The following PRCC variants were observed in gnomAD, a reference collection of about 807,000 sequenced individuals.
PRCC encodes proline rich mitotic checkpoint control factor, also known as proline-rich protein PRCC.
In PRCC, 10 loss-of-function variants were observed where a neutral mutation model predicts 44.0. The observed-to-expected ratio is 0.23, with a 90% CI of 0.14 to 0.39. PRCC has a LOEUF of 0.39. Ranked by LOEUF, PRCC falls within the 10% of genes least tolerant of loss-of-function variation. The pLI is 1.00. For missense variants in PRCC, 573 were observed against 624.7 expected (o/e 0.92, Z 0.88); for synonymous variants, 278 against 259.5 (o/e 1.07, Z -0.69).
At chr1:156,787,396 A>T (rs1652292553) in intron 3 of PRCC, among the ~76,000 whole-genome samples, 1 of 145,542 alleles carries the variant, frequency 6.9e-6, no homozygotes, top group Admixed American at 6.9e-5. Context: ...CTTTATTCTG[A>T]AAACAATCTA....
intron 3 of PRCC, among the ~76,000 whole-genome samples, chr1:156,788,271 CTA>C (rs1279018060): frequency 2.0e-5 from 3 of 152,194 alleles, no homozygotes; most frequent in African/African-American, 7.2e-5. Flanking sequence ...TTTTCTGTTT[CTA>C]TGTTAATTTG....
chr1:156,768,952 A>C (rs1651522110), intron 1 of PRCC, among the ~76,000 whole-genome samples: 1 of 152,142 alleles, frequency 6.6e-6, no homozygotes, highest in African/African-American at 2.4e-5. Context: ...TCATTTAGCT[A>C]TGGTCAAAGC....
Position 156,767,751 on chromosome 1 carries a change from G to T in PRCC, c.-21G>T, listed in dbSNP as rs369886073. ...GTAGGCCTCATCTGCCGGCAAGGGC[G>T]CCCGAAACGCGGGAGGCGCCATGTC... is the stretch of plus-strand genomic sequence containing the variant. On this transcript the variant is annotated 5_prime_UTR_variant, in exon 1 of 7. Coordinates refer to ENST00000271526, the MANE Select transcript of PRCC (RefSeq NM_005973.5). The T allele has an allele frequency of 1.2e-4, 195 of 1,569,824 alleles. No homozygotes were observed. Among genetic ancestry groups the T allele is most frequent in the Non-Finnish European group, 1.6e-4 (181 of 1,158,902 alleles).
intron 2 of PRCC, among the ~76,000 whole-genome samples, chr1:156,783,340 T>C (rs1175415570): frequency 6.6e-6 from 1 of 152,246 alleles, no homozygotes; most frequent in African/African-American, 2.4e-5. Flanking sequence ...TCAGTACCAT[T>C]ATCCTGGCCC....
chr1:156,783,967 G>T (rs75853057), intron 2 of PRCC, among the ~76,000 whole-genome samples: 15,013 of 150,290 alleles, frequency 0.1, 965 homozygotes, highest in African/African-American at 0.18. Context: ...TTTTGGGGGG[G>T]ACGGAGTCTC....
At chr1:156,794,059 G>A (rs148120981) in intron 4 of PRCC, among the ~76,000 whole-genome samples, 5,002 of 149,338 alleles carry the variant, frequency 0.033, 276 homozygotes, top group African/African-American at 0.12. Flanking sequence ...CTGGTTTCAA[G>A]CGATTCTCCT....
Position 156,767,637 on chromosome 1 carries a change from G to C in PRCC, c.-135G>C. ...TAGCCATGAGTTTCTGCCGGGGCTA[G>C]CCCTAGAGTACGGAGCAGGCGGACT... On this transcript the variant is annotated 5_prime_UTR_variant, in exon 1 of 7. The change abolishes the stop of an existing upstream ORF in the 5' untranslated region. Transcript: ENST00000271526. The C allele has an allele frequency of 1.2e-6, 1 of 832,260 alleles. No homozygotes were observed. The highest frequency in any genetic ancestry group is 1.8e-6 in the Non-Finnish European group (1 of 541,768). 51.6% of individuals were successfully genotyped at this position (832,260 alleles called of 1,614,324 possible).
At chr1:156,788,446 G>A (rs913709844) in intron 3 of PRCC, among the ~76,000 whole-genome samples, 1 of 152,164 alleles carries the variant, frequency 6.6e-6, no homozygotes, top group African/African-American at 2.4e-5. Context: ...ATTGCAAACA[G>A]TGCTGTGATG....
intron 1 of PRCC, among the ~76,000 whole-genome samples, chr1:156,779,426 C>A (rs1448032239): frequency 1.3e-5 from 2 of 151,986 alleles, no homozygotes; most frequent in Non-Finnish European, 2.9e-5. Context: ...TGTAGTGGCG[C>A]AAGCTCGGCG....
chr1:156,768,907 GTC>G lies in PRCC; in HGVS notation c.468+674_468+675del, dbSNP rs563300514. Among the ~76,000 whole-genome samples, 24 of 152,304 alleles carry G rather than the reference GTC, an allele frequency of 1.6e-4. No homozygotes were observed. In the East Asian group the frequency reaches 3.9e-3, roughly 24 times the overall value. ...GAGTGAAGATTAAGATTAAGGTTCAGTCTCTCTGAACCTCAGATCTGTGCCTC... is the reference window on the plus strand; with the variant it reads ...GAGTGAAGATTAAGATTAAGGTTCAGTCTCTGAACCTCAGATCTGTGCCTC... On this transcript the variant is annotated intron_variant, in intron 1 of 6. Coordinates refer to ENST00000271526, the MANE Select transcript of PRCC (RefSeq NM_005973.5).
chr1:156,775,911 T>C (rs994518485), intron 1 of PRCC, among the ~76,000 whole-genome samples: 5 of 152,210 alleles, frequency 3.3e-5, no homozygotes, highest in Non-Finnish European at 7.4e-5. Context: ...CCTCCCCAAA[T>C]GCTGGGATTA....
intron 1 of PRCC, among the ~76,000 whole-genome samples, chr1:156,778,617 C>G (rs1490971008): frequency 2.1e-5 from 3 of 144,902 alleles, no homozygotes; most frequent in Non-Finnish European, 3.0e-5. Flanking sequence ...GGGTCTCACT[C>G]TGTTGCCCAG....
rs1432064923 is a variant in PRCC at position 156,767,734 on chromosome 1, C to T, written c.-38C>T. On this transcript the variant is annotated 5_prime_UTR_variant, in exon 1 of 7. Transcript: ENST00000271526. ...GGCATCCCCGGTCTCAAGTAGGCCT[C>T]ATCTGCCGGCAAGGGCGCCCGAAAC... 1.3e-6 allele frequency: 2 copies of T among 1,545,864 alleles called. No individual in the cohort carries two copies. The highest frequency in any genetic ancestry group is 2.4e-5 in the East Asian group (1 of 41,294).
chr1:156,767,878 G>T lies in PRCC; in HGVS notation c.107G>T (p.Gly36Val). ...GCTCCTACATCTGGGCCCGCTTTAG[G>T]GGGCTTGTTCGCTTCTCTCCCTGCG... ...AVAPTSGPAL[G>V]GLFASLPAPK... The change falls in exon 1 of 7, where the codon GGG (glycine) becomes GTG (valine). Residue 36 changes from glycine (G) to valine (V), a missense_variant. By Grantham distance (109) the Gly-to-Val change is moderately radical. Transcript: ENST00000271526. The T allele has an allele frequency of 6.2e-7, 1 of 1,606,168 alleles. No homozygotes were observed. The highest frequency in any genetic ancestry group is 8.5e-7 in the Non-Finnish European group (1 of 1,177,266).
intron 1 of PRCC, among the ~76,000 whole-genome samples, chr1:156,775,086 A>C (rs771054418): frequency 8.6e-5 from 13 of 151,964 alleles, no homozygotes; most frequent in Non-Finnish European, 1.3e-4. Flanking sequence ...ATCTCTACTA[A>C]AAATACAAAA....
intron 1 of PRCC, among the ~76,000 whole-genome samples, chr1:156,776,820 G>A (rs1006307782): frequency 1.3e-5 from 2 of 152,150 alleles, no homozygotes; most frequent in African/African-American, 4.8e-5. Flanking sequence ...TAGTGAGGTT[G>A]TTCTGTGTGG....
intron 1 of PRCC, among the ~76,000 whole-genome samples, chr1:156,779,118 ATATATATATATTTTT>A (rs1651939310): frequency 5.2e-5 from 1 of 19,094 alleles, no homozygotes; most frequent in African/African-American, 2.8e-4. Context: ...ATATATATAT[ATATATATATATTTTT>A]TTTTTTTTTT....
rs542473588 is a variant in PRCC, at chr1:156,791,726, A to G, written c.1113A>G (p.Ala371=). 2.2e-5 allele frequency: 35 copies of G among 1,613,960 alleles called. No homozygotes were observed. The highest frequency in any genetic ancestry group is 2.8e-5 in the Non-Finnish European group (33 of 1,179,976). Residue 371 remains alanine (A), a synonymous_variant, in exon 4 of 7, where the codon GCA becomes GCG. Transcript: ENST00000271526. The part of the protein sequence containing the change: ...QDYYSGGYYP[A]QDPALVPPQE... ...ATTACAGTGGTGGCTACTATCCTGC[A>G]CAGGACCCGGCCCTGGTCCCCCCCC...
At chr1:156,791,829 C>A in intron 4 of PRCC, 37 bp downstream of exon 4, 1 of 1,537,392 alleles carries the variant, frequency 6.5e-7, no homozygotes, top group Non-Finnish European at 8.9e-7. Flanking sequence ...TCTTTGACCG[C>A]TGGGCACCAC....
Sources: gnomAD v4.1 joint callset for allele counts (sites outside exome capture counted in the v4.1 genomes callset) on GRCh38, gnomAD v4.1.1 for gene constraint, MANE v1.5 for transcripts, NCBI Gene and HGNC (gene_info 2026-07-23, HGNC 2026-07-21) for gene names.